Variants in CACNA1C observed in about 807,000 individuals in gnomAD.
CACNA1C encodes calcium voltage-gated channel subunit alpha1 C.
CACNA1C carries 30 observed loss-of-function variants against 229.0 expected under a neutral mutation model. That is an observed-to-expected ratio of 0.13 (90% confidence interval 0.10 to 0.18). The LOEUF (loss-of-function observed/expected upper bound fraction) is 0.18. CACNA1C is among the 10% of genes least tolerant of loss of function. The probability of loss-of-function intolerance (pLI) is 1.00; values close to 1 mark genes in which losing one functional copy is unlikely to be tolerated. For missense variants in CACNA1C, 1,658 were observed against 2,845.0 expected (o/e 0.58, Z 9.49); for synonymous variants, 1,114 against 1,132.5 (o/e 0.98, Z 0.33).
chr12:2,619,348 T>A (rs1284927924), intron 29 of CACNA1C, among the ~76,000 whole-genome samples: 1 of 152,232 alleles, frequency 6.6e-6, no homozygotes, highest in Non-Finnish European at 1.5e-5. Context: ...CTGGGGAGTT[T>A]GCGCCCAGCC....
Position 2,501,209 on chromosome 12 carries a change from C to CAAAAAAAAAAAAAAAA in CACNA1C, c.1114-3623_1114-3608dup, listed in dbSNP as rs59324696. Among the ~76,000 whole-genome samples, 20 of 31,366 alleles carry CAAAAAAAAAAAAAAAA rather than the reference C, an allele frequency of 6.4e-4. 1 individual carries two copies. Among genetic ancestry groups the CAAAAAAAAAAAAAAAA allele is most frequent in the Non-Finnish European group, 7.8e-4 (15 of 19,282 alleles). 20.6% of individuals were successfully genotyped at this position (31,366 alleles called of 152,430 possible). On this transcript the variant is annotated intron_variant, in intron 7 of 46. Transcript: ENST00000399655. ...TGGGCGACAGAGTGAGACTCCACCTCAAAAAAAAAAAAAAAAAAAAAAAAA... is the reference window on the plus strand; with the variant it reads ...TGGGCGACAGAGTGAGACTCCACCTCAAAAAAAAAAAAAAAAAAAAAAAAAAAAAAAAAAAAAAAAA...
At chr12:2,176,437 A>G (rs1010564618) in intron 3 of CACNA1C, among the ~76,000 whole-genome samples, 6 of 152,176 alleles carry the variant, frequency 3.9e-5, no homozygotes, top group African/African-American at 1.4e-4. Flanking sequence ...TCACGTTTTT[A>G]AAGGGTCCTG....
At chr12:2,085,799 C>T (rs758712004) in intron 1 of CACNA1C, among the ~76,000 whole-genome samples, 10 of 152,170 alleles carry the variant, frequency 6.6e-5, no homozygotes, top group Non-Finnish European at 1.0e-4. Context: ...AGCACCCTGT[C>T]CACTGTAAAT....
rs1455929299 is a variant in CACNA1C, at chr12:2,689,109, C to G, written c.6117+330C>G. ...ACAGGCAAGATCCAAGGTGCTCAGG[C>G]CTGACTGCCCGTGAGCATCACCTGG... On this transcript the variant is annotated intron_variant, in intron 46 of 46. Coordinates refer to ENST00000399655, the MANE Select transcript of CACNA1C (RefSeq NM_000719.7). The surrounding 1 kb of genome is among the most constrained non-coding windows in gnomAD (Gnocchi z 4.2). Among the ~76,000 whole-genome samples, 2 of 152,166 alleles carry G rather than the reference C, an allele frequency of 1.3e-5. No individual in the cohort carries two copies. The highest frequency in any genetic ancestry group is 2.9e-5 in the Non-Finnish European group (2 of 68,020).
chr12:2,183,080 C>T (rs1337613721), intron 3 of CACNA1C, among the ~76,000 whole-genome samples: 1 of 152,022 alleles, frequency 6.6e-6, no homozygotes, highest in African/African-American at 2.4e-5. Flanking sequence ...ACTATGTTGA[C>T]CAGGCTTGTC....
At chr12:2,650,095 G>A (rs182344344) in intron 31 of CACNA1C, among the ~76,000 whole-genome samples, 1 of 152,126 alleles carries the variant, frequency 6.6e-6, no homozygotes, top group Admixed American at 6.5e-5. Flanking sequence ...TGAGGGGAAC[G>A]GGAGCCTTAG....
intron 3 of CACNA1C, among the ~76,000 whole-genome samples, chr12:2,422,087 A>C (rs1595853286): frequency 6.6e-6 from 1 of 152,232 alleles, no homozygotes; most frequent in Non-Finnish European, 1.5e-5. Context: ...ATACCCATAA[A>C]TATCCCAAAA....
At chr12:2,380,017 C>T (rs7309552) in intron 3 of CACNA1C, among the ~76,000 whole-genome samples, 43,983 of 96,018 alleles carry the variant, frequency 0.46, 7,968 homozygotes, top group Middle Eastern at 0.56. Flanking sequence ...GGCGACAGAG[C>T]GAGACTCCGT....
intron 1 of CACNA1C, among the ~76,000 whole-genome samples, chr12:2,028,701 CCTGTATGATGCAGGGAATATTT>C (rs1164558492): frequency 3.9e-5 from 6 of 152,152 alleles, no homozygotes; most frequent in African/African-American, 9.7e-5. Context: ...CCGAGTATTT[CCTGTATGATGCAGGGAATATTT>C]CTGTATGATG....
chr12:2,405,999 C>A (rs2098733592), intron 3 of CACNA1C, among the ~76,000 whole-genome samples: 1 of 152,142 alleles, frequency 6.6e-6, no homozygotes, highest in South Asian at 2.1e-4. Flanking sequence ...CCTTTATTTC[C>A]CCTTCATTTG....
chr12:2,032,009 G>A (rs7303339), intron 1 of CACNA1C, among the ~76,000 whole-genome samples: 91,801 of 151,502 alleles, frequency 0.61, 29,682 homozygotes, highest in East Asian at 0.85. Flanking sequence ...GTGTGTGTGT[G>A]TGTGTCTGTG....
In CACNA1C at chr12:2,666,182, C is replaced by G. The variant is rs900792897; in HGVS notation, c.4526+474C>G. The stretch of plus-strand genomic sequence containing the variant: ...CCAGCCTGGGCGACAGAGCAAGACT[C>G]CATCTAAAAAAGAAAAAGAAAATAA... On this transcript the variant is annotated intron_variant, in intron 36 of 46. Coordinates refer to ENST00000399655, the MANE Select transcript of CACNA1C (RefSeq NM_000719.7). This position sits in a 1 kb window ranked among gnomAD's most constrained non-coding sequence, Gnocchi z 5.3. Among the ~76,000 whole-genome samples the G allele has an allele frequency of 1.6e-5, 2 of 124,184 alleles. No homozygotes were observed. The highest frequency in any genetic ancestry group is 5.1e-5 in the African/African-American group (2 of 38,908). 81.5% of individuals were successfully genotyped at this position (124,184 alleles called of 152,430 possible).
intron 3 of CACNA1C, among the ~76,000 whole-genome samples, chr12:2,258,395 A>G (rs2078780009): frequency 6.6e-6 from 1 of 152,122 alleles, no homozygotes; most frequent in African/African-American, 2.4e-5. Context: ...TTTACTCATT[A>G]ATTTTTGAAA....
chr12:2,311,681 G>T (rs2095444419), intron 3 of CACNA1C, among the ~76,000 whole-genome samples: 1 of 152,318 alleles, frequency 6.6e-6, no homozygotes, highest in South Asian at 2.1e-4. Context: ...ATACAAGTGT[G>T]CCCTTAAACA....
chr12:2,400,078 C>T (rs946361219), intron 3 of CACNA1C, among the ~76,000 whole-genome samples: 6 of 152,298 alleles, frequency 3.9e-5, no homozygotes, highest in Admixed American at 3.9e-4. Flanking sequence ...ACTATATCAC[C>T]AACAGTGTGA....
intron 1 of CACNA1C, among the ~76,000 whole-genome samples, chr12:2,076,858 A>T (rs2063396740): frequency 6.6e-6 from 1 of 152,182 alleles, no homozygotes; most frequent in Admixed American, 6.5e-5. Flanking sequence ...GCTGTGTGTG[A>T]AGGACACTGG....
chr12:2,635,950 T>A (rs1044536022), intron 30 of CACNA1C, among the ~76,000 whole-genome samples: 1 of 152,254 alleles, frequency 6.6e-6, no homozygotes, highest in Non-Finnish European at 1.5e-5. Flanking sequence ...TTAGTCTTCC[T>A]ACTCGTGCTC....
chr12:2,677,526 C>T lies in CACNA1C; in HGVS notation c.4957-207C>T, dbSNP rs111800411. ...CTGGTGCCCCGTCCTAATGAGCCTT[C>T]ATCCCTCCTGGATGGGCGAGTGGAT... On this transcript the variant is annotated intron_variant, in intron 40 of 46. Transcript: ENST00000399655. This position sits in a 1 kb window ranked among gnomAD's most constrained non-coding sequence, Gnocchi z 7.4. 7,469 of 643,428 alleles carry T rather than the reference C, an allele frequency of 0.012. 306 individuals carry two copies. The highest frequency in any genetic ancestry group is 0.1 in the African/African-American group (5,658 of 54,922). The allele number at this position is 643,428 out of a possible 1,614,324, so 39.9% of individuals were successfully genotyped here.
At chr12:2,189,669 G>A (rs1006896663) in intron 3 of CACNA1C, among the ~76,000 whole-genome samples, 1 of 152,142 alleles carries the variant, frequency 6.6e-6, no homozygotes, top group Non-Finnish European at 1.5e-5. Context: ...GGAAACCAAG[G>A]AACATTTGGC....
Sources: allele counts gnomAD v4.1 joint callset (sites outside exome capture counted in the v4.1 genomes callset), GRCh38; gene constraint gnomAD v4.1.1; non-coding constraint Gnocchi (gnomAD v3.1); transcripts MANE v1.5; gene names NCBI Gene and HGNC (gene_info 2026-07-23, HGNC 2026-07-21).